The following RIPOR2 variants were observed in gnomAD, a reference collection of about 807,000 sequenced individuals.
RIPOR2 encodes the protein rho family-interacting cell polarization regulator 2.
RIPOR2 carries 39 observed loss-of-function variants against 114.5 expected under a neutral mutation model. That is an observed-to-expected ratio of 0.34 (90% CI 0.26 to 0.44). The LOEUF is 0.44. Ranked by LOEUF, RIPOR2 falls within the 20% of genes least tolerant of loss-of-function variation. The probability of loss-of-function intolerance (pLI) is 1.00; values close to 1 mark genes in which losing one functional copy is unlikely to be tolerated. For missense variants in RIPOR2, 1,007 were observed against 1,255.1 expected (o/e 0.80, Z 2.99); for synonymous variants, 445 against 484.4 (o/e 0.92, Z 1.07).
chr6:24,980,514 G>A (rs1774242498), intron 1 of RIPOR2, among the ~76,000 whole-genome samples: 1 of 152,142 alleles, frequency 6.6e-6, no homozygotes, highest in South Asian at 2.1e-4. Context: ...TAAGCCTGTG[G>A]TTTCCATCTC....
Position 24,883,306 on chromosome 6 carries a change from A to C in RIPOR2, c.62-7489T>G, listed in dbSNP as rs959572337. Among the ~76,000 whole-genome samples the C allele has an allele frequency of 6.6e-6, 1 of 152,228 alleles. No individual in the cohort carries two copies. The highest frequency in any genetic ancestry group is 1.5e-5 in the Non-Finnish European group (1 of 68,040). On this transcript the variant is annotated intron_variant, in intron 1 of 21. Coordinates refer to ENST00000643898, the MANE Select transcript of RIPOR2 (RefSeq NM_001286445.3). The surrounding 1 kb of genome is among the most constrained non-coding windows in gnomAD (Gnocchi z 4.1). ...GTCAACTTGGAAACCAATAGTTGTCACACTTACAAAGCTATGCCATCTCCA... is the reference window on the plus strand; with the variant it reads ...GTCAACTTGGAAACCAATAGTTGTCCCACTTACAAAGCTATGCCATCTCCA...
rs1359321973 is a variant in RIPOR2 at position 24,865,423 on chromosome 6, T to C, written c.529A>G (p.Ile177Val). The part of the protein sequence containing the change: ...KVDELYEAYC[I>V]QRRLQDGASK... ...GCACCATCCTGGAGGCGTCGCTGGA[T>C]ACAATAAGCTTCATAGAGTTCATCT... Residue 177 changes from isoleucine (I) to valine (V), a missense_variant, in exon 7 of 22, where the codon ATC (isoleucine) becomes GTC (valine). Physicochemically the swap from Ile to Val is conservative, Grantham distance 29. Transcript: ENST00000643898. The C allele has an allele frequency of 6.2e-7, 1 of 1,613,336 alleles. No individual in the cohort carries two copies. The highest frequency in any genetic ancestry group is 1.3e-5 in the African/African-American group (1 of 75,050).
chr6:24,848,757 T>C lies in RIPOR2; in HGVS notation c.1035-603A>G, dbSNP rs183828462. Among the ~76,000 whole-genome samples the C allele has an allele frequency of 2.6e-5, 4 of 152,294 alleles. No homozygotes were observed. In the East Asian group the frequency reaches 7.7e-4, roughly 29 times the overall value. On this transcript the variant is annotated intron_variant, in intron 11 of 21. Coordinates refer to ENST00000643898, the MANE Select transcript of RIPOR2 (RefSeq NM_001286445.3). ...GGGGAGGGAAGGGCTGAGCAAAGCA[T>C]GCTGATGATGACAAAGCAAGAGTGT...
At chr6:24,915,061 A>G (rs1471312999) in intron 1 of RIPOR2, among the ~76,000 whole-genome samples, 1 of 152,226 alleles carries the variant, frequency 6.6e-6, no homozygotes, top group East Asian at 1.9e-4. Context: ...ACAGGTGACT[A>G]GTCCTAGAGA....
intron 1 of RIPOR2, among the ~76,000 whole-genome samples, chr6:25,004,630 A>T (rs1205991465): frequency 6.6e-6 from 1 of 152,176 alleles, no homozygotes; most frequent in Non-Finnish European, 1.5e-5. Context: ...AGATCCCATT[A>T]TGCAAGGGGC....
intron 18 of RIPOR2, among the ~76,000 whole-genome samples, chr6:24,826,914 A>ATTT (rs1760239565): frequency 6.6e-6 from 1 of 150,762 alleles, no homozygotes; most frequent in Non-Finnish European, 1.5e-5. Flanking sequence ...TTTTTTTTTA[A>ATTT]TAATGAAGGC....
Position 24,935,865 on chromosome 6 carries a change from C to T in RIPOR2, c.34G>A (p.Asp12Asn), listed in dbSNP as rs1771772353. The change falls in exon 1 of 22, where the codon GAT becomes AAT. Residue 12 changes from aspartate (D) to asparagine (N), a missense_variant. Transcript: ENST00000643898. ...TCACCAAAAACATCATCCTCTTCAT[C>T]GACCAGGAGCTCCTCAGCATCAAAA... ...QFFDAEELLV[D>N]EEDDVFGEGL... 11 of 1,535,478 alleles carry T rather than the reference C, an allele frequency of 7.2e-6. No homozygotes were observed. The highest frequency in any genetic ancestry group is 2.4e-5 in the East Asian group (1 of 40,918).
chr6:24,936,528 C>T (rs978152309), upstream of RIPOR2, among the ~76,000 whole-genome samples: 5 of 152,008 alleles, frequency 3.3e-5, no homozygotes, highest in East Asian at 3.9e-4. Flanking sequence ...TTATGTGGCT[C>T]GATTAAATCT....
chr6:24,992,845 A>C (rs1371886398), intron 1 of RIPOR2, among the ~76,000 whole-genome samples: 2 of 152,194 alleles, frequency 1.3e-5, no homozygotes. Context: ...CTAAAACAGC[A>C]TGGTACTGGT....
intron 1 of RIPOR2, among the ~76,000 whole-genome samples, chr6:24,880,969 T>A (rs1232743582): frequency 2.0e-5 from 3 of 152,112 alleles, no homozygotes; most frequent in Non-Finnish European, 4.4e-5. Flanking sequence ...TCAGGCCAGG[T>A]GCAGTGGCTC....
intron 1 of RIPOR2, among the ~76,000 whole-genome samples, chr6:24,912,063 T>C (rs1769660379): frequency 6.6e-6 from 1 of 152,170 alleles, no homozygotes; most frequent in African/African-American, 2.4e-5. Context: ...CGGGCTGGAA[T>C]ACAAGCAGCC....
intron 16 of RIPOR2, 22 bp downstream of exon 16, chr6:24,832,234 G>A (rs865875043): frequency 1.5e-5 from 24 of 1,549,942 alleles, no homozygotes; most frequent in Middle Eastern, 3.3e-4. Flanking sequence ...CGTGAATAGC[G>A]GTGTAACTGG....
intron 1 of RIPOR2, among the ~76,000 whole-genome samples, chr6:24,931,035 G>T (rs1366270337): frequency 6.6e-6 from 1 of 152,188 alleles, no homozygotes; most frequent in Non-Finnish European, 1.5e-5. Flanking sequence ...TCCATGGAGG[G>T]TATGACTTAA....
At chr6:25,016,124 C>T (rs1775989494) in intron 1 of RIPOR2, among the ~76,000 whole-genome samples, 1 of 151,782 alleles carries the variant, frequency 6.6e-6, no homozygotes, top group Non-Finnish European at 1.5e-5. Context: ...CCAGGCTGGT[C>T]TCGAACTCCT....
At chr6:24,978,490 A>T (rs978844797) in intron 1 of RIPOR2, among the ~76,000 whole-genome samples, 2 of 152,196 alleles carry the variant, frequency 1.3e-5, no homozygotes, top group Non-Finnish European at 1.5e-5. Flanking sequence ...TGGCTCAACC[A>T]AATGGCCAAG....
intron 13 of RIPOR2, among the ~76,000 whole-genome samples, chr6:24,840,964 T>C (rs1761659617): frequency 6.6e-6 from 1 of 152,190 alleles, no homozygotes; most frequent in African/African-American, 2.4e-5. Context: ...AAGCAAGGTG[T>C]CTGCACAATT....
intron 1 of RIPOR2, among the ~76,000 whole-genome samples, chr6:25,006,016 G>A (rs1330688160): frequency 4.6e-5 from 7 of 151,902 alleles, no homozygotes; most frequent in African/African-American, 1.7e-4. Flanking sequence ...TTTAAATTTT[G>A]AATCCTTACT....
In RIPOR2 at chr6:24,894,066, G is replaced by A. The variant is rs371216514; in HGVS notation, c.62-18249C>T. The stretch of plus-strand genomic sequence containing the variant: ...AAGAATTTAGTAGTCCAGGTGCTAT[G>A]AGGAGCAGGTGACCCATTAGAGGTC... On this transcript the variant is annotated intron_variant, in intron 1 of 21. Transcript: ENST00000643898. 1.1e-4 allele frequency among the ~76,000 whole-genome samples: 16 copies of A among 152,346 alleles called. No individual in the cohort carries two copies. The South Asian group carries it at 2.1e-3, about 20-fold the overall frequency.
chr6:24,834,712 CT>C (rs1426525116), intron 15 of RIPOR2, among the ~76,000 whole-genome samples: 2 of 152,142 alleles, frequency 1.3e-5, no homozygotes. Context: ...CAACCTCTGC[CT>C]CCTAGGCTCA....
Sources: allele counts gnomAD v4.1 joint callset (sites outside exome capture counted in the v4.1 genomes callset), GRCh38; gene constraint gnomAD v4.1.1; non-coding constraint Gnocchi (gnomAD v3.1); transcripts MANE v1.5; gene names NCBI Gene and HGNC (gene_info 2026-07-23, HGNC 2026-07-21).